Variants in RNF180 observed in about 807,000 individuals in gnomAD.
RNF180 encodes the protein E3 ubiquitin-protein ligase RNF180.
In RNF180, 38 loss-of-function variants were observed where a neutral mutation model predicts 59.2. The observed-to-expected ratio is 0.64, with a 90% CI of 0.50 to 0.84. The LOEUF (loss-of-function observed/expected upper bound fraction) is 0.84, where lower values mean the gene tolerates loss of function less well. RNF180 is among the 40% of genes least tolerant of loss of function. The probability of loss-of-function intolerance (pLI) is 0.00; values close to 1 mark genes in which losing one functional copy is unlikely to be tolerated. For missense variants in RNF180, 705 were observed against 700.9 expected (o/e 1.01, Z -0.07); for synonymous variants, 262 against 240.3 (o/e 1.09, Z -0.84).
intron 7 of RNF180, among the ~76,000 whole-genome samples, chr5:64,334,333 G>C (rs1745033685): frequency 6.6e-6 from 1 of 152,178 alleles, no homozygotes; most frequent in African/African-American, 2.4e-5. Context: ...ATACGTAAAA[G>C]TGTATATGCA....
intron 5 of RNF180, among the ~76,000 whole-genome samples, chr5:64,305,834 T>G (rs568294759): frequency 1.8e-4 from 27 of 151,674 alleles, no homozygotes; most frequent in African/African-American, 6.3e-4. Context: ...TTAAGAGATC[T>G]AGAATGATGG....
At chr5:64,357,368 A>G (rs569670845) in intron 7 of RNF180, among the ~76,000 whole-genome samples, 1 of 151,984 alleles carries the variant, frequency 6.6e-6, no homozygotes, top group African/African-American at 2.4e-5. Flanking sequence ...TGTAATATGA[A>G]GCAGTAAAAT....
At chr5:64,262,569 A>C (rs1744408145) in intron 5 of RNF180, among the ~76,000 whole-genome samples, 1 of 151,716 alleles carries the variant, frequency 6.6e-6, no homozygotes, top group Admixed American at 6.6e-5. Flanking sequence ...AGGCTGTTAA[A>C]TAATGAAAAA....
chr5:64,339,109 T>C (rs770221675), intron 7 of RNF180, among the ~76,000 whole-genome samples: 1 of 152,144 alleles, frequency 6.6e-6, no homozygotes, highest in Non-Finnish European at 1.5e-5. Flanking sequence ...TTATGCTCTT[T>C]GAATTCTGAT....
chr5:64,333,224 C>G (rs889600195), intron 7 of RNF180, among the ~76,000 whole-genome samples: 4 of 152,142 alleles, frequency 2.6e-5, no homozygotes, highest in African/African-American at 9.7e-5. Context: ...ATCGCCCAGG[C>G]TAGAGTGTAG....
intron 1 of RNF180, among the ~76,000 whole-genome samples, chr5:64,178,598 G>T (rs1270041981): frequency 6.6e-6 from 1 of 152,176 alleles, no homozygotes. Flanking sequence ...TAACATCCAA[G>T]AACATTGTAT....
intron 5 of RNF180, among the ~76,000 whole-genome samples, chr5:64,246,338 A>G (rs1397616180): frequency 9.2e-5 from 14 of 152,160 alleles, no homozygotes; most frequent in Non-Finnish European, 1.5e-5. Context: ...TGGTTTTGTG[A>G]AAAGATTAAC....
intron 5 of RNF180, among the ~76,000 whole-genome samples, chr5:64,272,394 T>C (rs1741467053): frequency 6.6e-6 from 1 of 151,750 alleles, no homozygotes; most frequent in African/African-American, 2.4e-5. Flanking sequence ...CAGAGAAGAA[T>C]GGTACATTTA....
Position 64,177,424 on chromosome 5 carries a change from A to G in RNF180, c.-1+11471A>G, listed in dbSNP as rs185284153. Among the ~76,000 whole-genome samples the G allele has an allele frequency of 1.3e-3, 193 of 151,458 alleles. 1 individual carries two copies. The highest frequency in any genetic ancestry group is 2.1e-3 in the Non-Finnish European group (142 of 67,842). ...GTTTCTTGCCCTTAGTTTATCTGAT[A>G]CTACTTAATTGCTAGTTATTTTCTG... On this transcript the variant is annotated intron_variant, in intron 1 of 7. Coordinates refer to ENST00000389100, the MANE Select transcript of RNF180 (RefSeq NM_001113561.2).
intron 5 of RNF180, among the ~76,000 whole-genome samples, chr5:64,295,213 A>G (rs565447659): frequency 6.6e-6 from 1 of 152,256 alleles, no homozygotes; most frequent in Non-Finnish European, 1.5e-5. Flanking sequence ...CCATTTGGCC[A>G]CTTGTTCTGG....
intron 5 of RNF180, among the ~76,000 whole-genome samples, chr5:64,304,181 C>G (rs1397971747): frequency 6.6e-6 from 1 of 151,548 alleles, no homozygotes; most frequent in Non-Finnish European, 1.5e-5. Context: ...GACAGTGTAC[C>G]TAGTCACCAG....
At chr5:64,185,940 G>C (rs1276874206) in intron 1 of RNF180, among the ~76,000 whole-genome samples, 1 of 152,222 alleles carries the variant, frequency 6.6e-6, no homozygotes, top group Non-Finnish European at 1.5e-5. Flanking sequence ...TGCTAGGAAT[G>C]TAAAACTCTC....
At chr5:64,308,570 A>G (rs1234533429) in intron 5 of RNF180, among the ~76,000 whole-genome samples, 1 of 151,724 alleles carries the variant, frequency 6.6e-6, no homozygotes, top group East Asian at 1.9e-4. Context: ...ACAATGGTTC[A>G]GTGTTTCTGA....
chr5:64,263,393 A>G (rs1175358478), intron 5 of RNF180, among the ~76,000 whole-genome samples: 2 of 152,202 alleles, frequency 1.3e-5, no homozygotes, highest in African/African-American at 4.8e-5. Context: ...AGTTGGGAAG[A>G]GATGTGCACA....
chr5:64,317,736 A>G (rs1744133106), intron 5 of RNF180, among the ~76,000 whole-genome samples: 1 of 151,948 alleles, frequency 6.6e-6, no homozygotes, highest in African/African-American at 2.4e-5. Flanking sequence ...CCCTATATAT[A>G]TATATGTTTA....
intron 7 of RNF180, among the ~76,000 whole-genome samples, chr5:64,359,021 A>C (rs1213262131): frequency 6.7e-6 from 1 of 149,700 alleles, no homozygotes; most frequent in African/African-American, 2.4e-5. Flanking sequence ...CATTTTCTTA[A>C]TCCAGTCTAT....
At chr5:64,249,256 A>T (rs1347690075) in intron 5 of RNF180, among the ~76,000 whole-genome samples, 1 of 152,226 alleles carries the variant, frequency 6.6e-6, no homozygotes, top group Non-Finnish European at 1.5e-5. Context: ...GTATAATAAA[A>T]AAAGAAAAAA....
intron 7 of RNF180, among the ~76,000 whole-genome samples, chr5:64,343,306 G>C (rs530762793): frequency 1.3e-5 from 2 of 152,194 alleles, no homozygotes; most frequent in East Asian, 3.9e-4. Context: ...GAATAAAACA[G>C]TCTGGGACTA....
chr5:64,328,604 T>G (rs1384312998), intron 6 of RNF180, among the ~76,000 whole-genome samples: 1 of 152,228 alleles, frequency 6.6e-6, no homozygotes, highest in Non-Finnish European at 1.5e-5. Context: ...TTCGTGGGTG[T>G]GCAATTGGGA....
Sources: gnomAD v4.1 joint callset for allele counts (sites outside exome capture counted in the v4.1 genomes callset) on GRCh38, gnomAD v4.1.1 for gene constraint, MANE v1.5 for transcripts, NCBI Gene and HGNC (gene_info 2026-07-23, HGNC 2026-07-21) for gene names.